Variants in LRRC41 observed in about 807,000 individuals in gnomAD.
The protein encoded by LRRC41 is leucine rich repeat containing 41.
Under a neutral mutation model 72.1 loss-of-function variants are expected in LRRC41, and 17 were observed. The ratio of observed to expected loss-of-function variants is 0.24; its 90% confidence interval spans 0.16 to 0.35. LRRC41 has a LOEUF of 0.35. Among genes scored for constraint, LRRC41 ranks in the 10% least tolerant of loss-of-function variants. The pLI is 1.00. For missense variants in LRRC41, 759 were observed against 1,065.0 expected, an observed-to-expected ratio of 0.71 and a Z score of 4.00; for synonymous variants, 427 against 431.0, an observed-to-expected ratio of 0.99 and a Z score of 0.11.
rs1234440860 is a variant in LRRC41 at position 46,279,264 on chromosome 1, A to G, written c.2144-7T>C. 6.2e-6 allele frequency: 10 copies of G among 1,613,996 alleles called. No homozygotes were observed. Among genetic ancestry groups the G allele is most frequent in the Non-Finnish European group, 8.5e-6 (10 of 1,179,894 alleles). On this transcript the variant is annotated splice_region_variant and splice_polypyrimidine_tract_variant and intron_variant, in intron 8 of 9. Coordinates refer to ENST00000617190, the MANE Select transcript of LRRC41 (RefSeq NM_006369.5). This position sits in a 1 kb window ranked among gnomAD's most constrained non-coding sequence, Gnocchi z 4.5. ...GCCAGCAGGCCAGCATTCCCTGGAG[A>G]GAAGGGGAGAACGCCTATCACCTCC...
At chr1:46,290,991 C>T (rs1222742242) in intron 3 of LRRC41, among the ~76,000 whole-genome samples, 2 of 135,666 alleles carry the variant, frequency 1.5e-5, no homozygotes, top group Non-Finnish European at 3.1e-5. Context: ...GTGGCACGAT[C>T]TCGGCTCACT....
intron 6 of LRRC41, 52 bp downstream of exon 6, chr1:46,280,344 G>A (rs1207353109): frequency 1.4e-5 from 22 of 1,611,952 alleles, no homozygotes; most frequent in Non-Finnish European, 1.7e-5. Flanking sequence ...CTAGAGAACA[G>A]TGCTAGGTCC....
rs1660667895 is a variant in LRRC41, at chr1:46,278,004, T to TGGGTG, written c.*860_*861insCACCC. The TGGGTG allele has an allele frequency of 6.2e-7, 1 of 1,614,054 alleles. No homozygotes were observed. Among genetic ancestry groups the TGGGTG allele is most frequent in the South Asian group, 1.1e-5 (1 of 91,086 alleles). The stretch of plus-strand genomic sequence containing the variant: ...AGGTGGGGAAGTGCCCTAACCATTA[T>TGGGTG]CTCTAAGCTACCCACACAGTAGGGA... On this transcript the variant is annotated 3_prime_UTR_variant, in exon 10 of 10. Coordinates refer to ENST00000617190, the MANE Select transcript of LRRC41 (RefSeq NM_006369.5).
chr1:46,294,098 C>A (rs1465649699), intron 3 of LRRC41, among the ~76,000 whole-genome samples: 2 of 150,762 alleles, frequency 1.3e-5, no homozygotes, highest in Non-Finnish European at 3.0e-5. Flanking sequence ...TTTTTCTATT[C>A]TTTGGTGTTG....
At chr1:46,280,617 C>G in intron 5 of LRRC41, 57 bp from the exon 6 acceptor site, 1 of 1,560,160 alleles carries the variant, frequency 6.4e-7, no homozygotes, top group Non-Finnish European at 8.8e-7. Flanking sequence ...ACTCCCATAG[C>G]AGGTCCCATC....
intron 1 of LRRC41, chr1:46,298,891 G>C (rs1661174263): frequency 6.6e-6 from 1 of 152,382 alleles, no homozygotes; most frequent in South Asian, 2.1e-4. Context: ...GTTCTAATAG[G>C]AATGTCGTTG....
At position 46,299,878 on chromosome 1, in the gene LRRC41, C is replaced by CAAATAAAATAAAATA. The variant is rs57732544; in HGVS notation, c.200-1523_200-1509dup. The CAAATAAAATAAAATA allele has an allele frequency of 5.3e-3, 795 of 151,158 alleles. 7 individuals carry two copies. Among genetic ancestry groups the CAAATAAAATAAAATA allele is most frequent in the African/African-American group, 0.015 (621 of 41,114 alleles). 9.4% of individuals were successfully genotyped at this position (151,158 alleles called of 1,614,324 possible). A position where few individuals can be genotyped will look rare whatever the true frequency, so the allele number is the denominator to read the frequency against. On this transcript the variant is annotated intron_variant, in intron 1 of 9. Coordinates refer to ENST00000617190, the MANE Select transcript of LRRC41 (RefSeq NM_006369.5). ...GGCGACAGAGCAAGACTCTGTCTCA[C>CAAATAAAATAAAATA]AAATAAAATAAAATAAAATAAAATA...
intron 3 of LRRC41, among the ~76,000 whole-genome samples, chr1:46,287,050 G>A (rs1166207663): frequency 5.9e-5 from 9 of 151,684 alleles, no homozygotes; most frequent in African/African-American, 2.2e-4. Context: ...TGTTCCGTCC[G>A]CCTTGGCCTC....
chr1:46,303,197 A>C lies in LRRC41; in HGVS notation c.126T>G (p.Ala42=). 2 of 1,568,582 alleles carry C rather than the reference A, an allele frequency of 1.3e-6. No homozygotes were observed. Among genetic ancestry groups the C allele is most frequent in the Non-Finnish European group, 1.7e-6 (2 of 1,162,234 alleles). The change falls in exon 1 of 10, where the codon GCT becomes GCG. Residue 42 remains alanine (A), a synonymous_variant. Transcript: ENST00000617190. The part of the protein sequence containing the change: ...PAKSSASGPN[A]PPALFELCGR... Reference sequence around the variant, plus strand: ...CGCACAGCTCGAACAGGGCGGGGGGAGCGTTGGGGCCCGAGGCCGAGCTCT... The same window carrying C: ...CGCACAGCTCGAACAGGGCGGGGGGCGCGTTGGGGCCCGAGGCCGAGCTCT...
chr1:46,279,436 T>C lies in LRRC41; in HGVS notation c.2143+56A>G, dbSNP rs1427746190. The C allele has an allele frequency of 1.2e-6, 2 of 1,613,618 alleles. No homozygotes were observed. Among genetic ancestry groups the C allele is most frequent in the Non-Finnish European group, 1.7e-6 (2 of 1,179,744 alleles). ...GGTCTTTGCCTTTATCCAGTGAGTT[T>C]TTAGGTCAAAGGCCTAGCTCCTTTC... On this transcript the variant is annotated intron_variant, in intron 8 of 9. Transcript: ENST00000617190. The surrounding 1 kb of genome is among the most constrained non-coding windows in gnomAD (Gnocchi z 4.5).
intron 3 of LRRC41, among the ~76,000 whole-genome samples, chr1:46,292,686 ATATTTGTCTTTT>A (rs1661043269): frequency 6.6e-6 from 1 of 151,840 alleles, no homozygotes; most frequent in South Asian, 2.1e-4. Flanking sequence ...TTTTACTGGG[ATATTTGTCTTTT>A]TATTTTGTGT....
rs1384521015 is a variant in LRRC41, at chr1:46,285,506, G to A, written c.1351C>T (p.Pro451Ser). ...DGSDPSCLGLPALEASQRFRS... is the reference protein window; with the variant it reads ...DGSDPSCLGLSALEASQRFRS... ...AATCTTTGTGAAGCTTCCAGTGCTG[G>A]AAGCCCCAGGCAGCTGGGATCTGAT... is the stretch of plus-strand genomic sequence containing the variant. Residue 451 changes from proline to serine, a missense_variant, in exon 4 of 10, where the codon CCA (proline) becomes TCA (serine). Coordinates refer to ENST00000617190, the MANE Select transcript of LRRC41 (RefSeq NM_006369.5). The surrounding 1 kb of genome is among the most constrained non-coding windows in gnomAD (Gnocchi z 5.3). 6.2e-7 allele frequency: 1 copy of A among 1,614,116 alleles called. No individual in the cohort carries two copies.
In LRRC41 at chr1:46,297,730, G is replaced by T. The variant is rs558992516; in HGVS notation, c.287-97C>A. The T allele has an allele frequency of 1.6e-5, 14 of 877,760 alleles. No homozygotes were observed. In the African/African-American group the frequency reaches 2.1e-4, roughly 13 times the overall value. 54.4% of individuals were successfully genotyped at this position (877,760 alleles called of 1,614,324 possible). ...TCTTCTGGGTTCACAGGAGCAATAT[G>T]GCAGAGTGATTAAGGGCACTGGCTC... On this transcript the variant is annotated intron_variant, in intron 2 of 9. Coordinates refer to ENST00000617190, the MANE Select transcript of LRRC41 (RefSeq NM_006369.5).
At chr1:46,296,417 CAAACAAAACAAAACA>C (rs369577873) in intron 3 of LRRC41, among the ~76,000 whole-genome samples, 18 of 151,908 alleles carry the variant, frequency 1.2e-4, no homozygotes, top group South Asian at 4.2e-4. Context: ...AACTCCGTCT[CAAACAAAACAAAACA>C]AAACAAAACA....
intron 1 of LRRC41, chr1:46,299,359 G>C (rs1470198139): frequency 6.6e-6 from 1 of 152,418 alleles, no homozygotes; most frequent in Non-Finnish European, 1.5e-5. Flanking sequence ...AGGCTACAGT[G>C]AGCTATGATC....
rs1661289019 is a variant in LRRC41, at chr1:46,303,328, GGAGGTGCGCGAGCCC to G, written c.-21_-7del. The G allele has an allele frequency of 2.0e-6, 3 of 1,511,106 alleles. No homozygotes were observed. The highest frequency in any genetic ancestry group is 4.6e-5 in the Admixed American group (2 of 43,596). 93.6% of individuals were successfully genotyped at this position (1,511,106 alleles called of 1,614,324 possible). ...CAGGCCTCGGGCGCCGCCATCTTGG[GGAGGTGCGCGAGCCC>G]GAGAGTGTCGCCCGCGGACCGCCAT... On this transcript the variant is annotated 5_prime_UTR_variant, in exon 1 of 10. Coordinates refer to ENST00000617190, the MANE Select transcript of LRRC41 (RefSeq NM_006369.5).
Position 46,303,329 on chromosome 1 carries a change from G to A in LRRC41, c.-7C>T. The A allele has an allele frequency of 2.0e-6, 3 of 1,510,070 alleles. No homozygotes were observed. The highest frequency in any genetic ancestry group is 2.6e-6 in the Non-Finnish European group (3 of 1,132,984). 93.5% of individuals were successfully genotyped at this position (1,510,070 alleles called of 1,614,324 possible). On this transcript the variant is annotated 5_prime_UTR_variant, in exon 1 of 10. Coordinates refer to ENST00000617190, the MANE Select transcript of LRRC41 (RefSeq NM_006369.5). ...AGGCCTCGGGCGCCGCCATCTTGGG[G>A]AGGTGCGCGAGCCCGAGAGTGTCGC... is the stretch of plus-strand genomic sequence containing the variant.
rs748642190 is a variant in LRRC41, at chr1:46,286,139, A to C, written c.718T>G (p.Ser240Ala). 2 of 1,614,230 alleles carry C rather than the reference A, an allele frequency of 1.2e-6. No homozygotes were observed. The highest frequency in any genetic ancestry group is 1.7e-6 in the Non-Finnish European group (2 of 1,180,036). ...VSLYSWPVPE[S>A]ALFILILTMS... ...GTGAGAATAAGGATGAAAAGGGCTG[A>C]CTCAGGCACAGGCCAGGAGTATAGC... Residue 240 changes from serine (S) to alanine (A), a missense_variant, in exon 4 of 10, where the codon TCA becomes GCA. Physicochemically the swap from Ser to Ala is moderately conservative, Grantham distance 99. This residue lies in a region of LRRC41 where 427 missense variants were observed against 520.9 expected (regional missense o/e 0.82). Transcript: ENST00000617190. The surrounding 1 kb of genome is among the most constrained non-coding windows in gnomAD (Gnocchi z 5.5).
At position 46,280,720 on chromosome 1, in the gene LRRC41, T is replaced by C. The variant is rs112458382; in HGVS notation, c.1757-160A>G. 2.2e-3 allele frequency among the ~76,000 whole-genome samples: 339 copies of C among 152,354 alleles called. 4 individuals are homozygous for C. Among genetic ancestry groups the C allele is most frequent in the African/African-American group, 7.7e-3 (320 of 41,576 alleles). On this transcript the variant is annotated intron_variant, in intron 5 of 9. Coordinates refer to ENST00000617190, the MANE Select transcript of LRRC41 (RefSeq NM_006369.5). ...TCAGCACTGTGCTAGATTCTAGGAA[T>C]TGAGCACTAAATATGAGATTTAGTC...
Sources: gnomAD v4.1 joint callset for allele counts (sites outside exome capture counted in the v4.1 genomes callset) on GRCh38, gnomAD v4.1.1 for gene constraint, gnomAD v4.1.1 regional missense constraint, Gnocchi (gnomAD v3.1) non-coding constraint, MANE v1.5 for transcripts, NCBI Gene and HGNC (gene_info 2026-07-23, HGNC 2026-07-21) for gene names.